Variants in PDE4C observed in about 807,000 individuals in gnomAD.
The protein encoded by PDE4C is phosphodiesterase 4C, also known as 3',5'-cyclic-AMP phosphodiesterase 4C.
A neutral mutation model predicts 63.9 loss-of-function variants in PDE4C; 50 were observed. The ratio of observed to expected loss-of-function variants is 0.78; its 90% CI spans 0.62 to 0.99. The LOEUF (loss-of-function observed/expected upper bound fraction) is 0.99. PDE4C is among the 50% of genes least tolerant of loss of function. PDE4C has a pLI of 0.00. For missense variants in PDE4C, 777 were observed against 899.1 expected (o/e 0.86, Z 1.74); for synonymous variants, 377 against 385.1 (o/e 0.98, Z 0.25).
intron 12 of PDE4C, 87 bp from the exon 13 acceptor site, chr19:18,213,577 A>G (rs1367884545): frequency 1.3e-5 from 19 of 1,438,588 alleles, no homozygotes; most frequent in South Asian, 1.3e-4. Flanking sequence ...ACTCTGGCTC[A>G]GACTCAGCCC....
chr19:18,223,938 C>T (rs973731721), intron 1 of PDE4C, among the ~76,000 whole-genome samples: 37 of 152,354 alleles, frequency 2.4e-4, no homozygotes, highest in African/African-American at 8.4e-4. Flanking sequence ...AGGCTCCACC[C>T]TCAGCCCATA....
In PDE4C at chr19:18,245,494, G is replaced by A. The variant is rs951026687; in HGVS notation, c.-210+2677C>T. On this transcript the variant is annotated intron_variant, in intron 1 of 15. Coordinates refer to the PDE4C transcript ENST00000594617. The stretch of plus-strand genomic sequence containing the variant: ...TGCTGTTCCTTAAACCTGCCTCGGG[G>A]CCTTTGCATGTGCTGTGCCATCTGC... 2.0e-5 allele frequency among the ~76,000 whole-genome samples: 3 copies of A among 152,188 alleles called. No homozygotes were observed. The East Asian group carries it at 5.8e-4, about 29-fold the overall frequency.
exon 1 of PDE4C, chr19:18,232,994 C>G: frequency 6.6e-7 from 1 of 1,509,110 alleles, no homozygotes; most frequent in Non-Finnish European, 8.9e-7. Flanking sequence ...ACTTCCTGAG[C>G]TCCGGCCGCG....
rs375612494 is a variant in PDE4C, at chr19:18,220,843, C to T, written c.499+31G>A. On this transcript the variant is annotated intron_variant, in intron 5 of 14. Transcript: ENST00000262805. This position sits in a 1 kb window ranked among gnomAD's most constrained non-coding sequence, Gnocchi z 5.1. ...TGGAAAGGAAGCTCCCAGCTGTCCT[C>T]AGCGGGGGAGGGAAGGAACAGGTAC... 1.3e-5 allele frequency: 21 copies of T among 1,600,048 alleles called. No individual in the cohort carries two copies. Among genetic ancestry groups the T allele is most frequent in the Non-Finnish European group, 1.5e-5 (18 of 1,173,514 alleles).
chr19:18,223,303 C>T (rs1421549749), intron 1 of PDE4C, among the ~76,000 whole-genome samples: 1 of 151,738 alleles, frequency 6.6e-6, no homozygotes, highest in East Asian at 1.9e-4. Flanking sequence ...CTCCGCCTCC[C>T]AGGTTCAAGC....
upstream of PDE4C, chr19:18,226,551 C>A: frequency 3.8e-6 from 2 of 532,634 alleles, no homozygotes; most frequent in Non-Finnish European, 5.9e-6. Flanking sequence ...TCCCTGACGA[C>A]CCCCGGGACA....
At chr19:18,231,318 C>T (rs906083503), upstream of PDE4C, among the ~76,000 whole-genome samples, 1 of 152,238 alleles carries the variant, frequency 6.6e-6, no homozygotes, top group Non-Finnish European at 1.5e-5. Context: ...CCCAATCCAC[C>T]GCTCCTGCCT....
chr19:18,216,626 TG>T, intron 12 of PDE4C, 114 bp downstream of exon 12: 1 of 1,024,336 alleles, frequency 9.8e-7, no homozygotes, highest in South Asian at 1.6e-5. Flanking sequence ...AGGACATGCC[TG>T]GGTCTGGATG....
upstream of PDE4C, chr19:18,226,605 CTT>C (rs34009293): frequency 0.051 from 10,300 of 202,332 alleles, 39 homozygotes; most frequent in Middle Eastern, 0.075. Flanking sequence ...CTCTCTGCTC[CTT>C]TTTTTTTTTT....
chr19:18,224,574 A>G, intron 1 of PDE4C: 2 of 935,248 alleles, frequency 2.1e-6, no homozygotes, highest in South Asian at 4.9e-5. Context: ...GACTTCGGAT[A>G]AGTTCGAGCT....
chr19:18,215,312 AC>A (rs1310499195), intron 12 of PDE4C, among the ~76,000 whole-genome samples: 1 of 152,018 alleles, frequency 6.6e-6, no homozygotes, highest in Admixed American at 6.6e-5. Context: ...CTCCGAAAGC[AC>A]CTTGAACCTT....
At chr19:18,210,792 C>T in exon 15 of PDE4C, 1 of 1,427,026 alleles carries the variant, frequency 7.0e-7, no homozygotes, top group Non-Finnish European at 9.2e-7. Context: ...CCACCTATAA[C>T]TAAGAGCTTG....
At chr19:18,211,802 C>T in exon 14 of PDE4C, 1 of 1,614,258 alleles carries the variant, frequency 6.2e-7, no homozygotes, top group Non-Finnish European at 8.5e-7. Context: ...ACACATGGGA[C>T]TGATGTCCAG....
At chr19:18,255,233 A>G in the PDE4C span, 1 of 398,750 alleles carries the variant, frequency 2.5e-6, no homozygotes, top group East Asian at 3.6e-5. This position sits in a 1 kb window ranked among gnomAD's most constrained non-coding sequence, Gnocchi z 4.6. Context: ...TAAAGGGAGT[A>G]TTGTAATTCA....
At chr19:18,223,373 G>C (rs1297288064) in intron 1 of PDE4C, among the ~76,000 whole-genome samples, 1 of 152,174 alleles carries the variant, frequency 6.6e-6, no homozygotes, top group Non-Finnish European at 1.5e-5. Context: ...ACCACGCCCA[G>C]CTAATTTTGT....
chr19:18,241,957 A>G (rs1969048980), intron 1 of PDE4C, among the ~76,000 whole-genome samples: 1 of 152,082 alleles, frequency 6.6e-6, no homozygotes, highest in Admixed American at 6.6e-5. Context: ...AAAATAATTC[A>G]CCTCGTGTTA....
chr19:18,234,772 G>C (rs1245483672), upstream of PDE4C, among the ~76,000 whole-genome samples: 1 of 152,178 alleles, frequency 6.6e-6, no homozygotes, highest in African/African-American at 2.4e-5. Context: ...TTGGAGAAAA[G>C]GAAAACATTT....
At chr19:18,216,949 C>T in intron 11 of PDE4C, 54 bp from the exon 12 acceptor site, 2 of 1,533,486 alleles carry the variant, frequency 1.3e-6, no homozygotes, top group South Asian at 1.2e-5. Flanking sequence ...ACCCACTCTA[C>T]CCAAAAGCAG....
At chr19:18,250,769 G>T (rs1319414720), upstream of PDE4C, among the ~76,000 whole-genome samples, 1 of 147,008 alleles carries the variant, frequency 6.8e-6, no homozygotes, top group Non-Finnish European at 1.5e-5. Context: ...ACCATGCCTG[G>T]ACAATTTTTT....
Sources: gnomAD v4.1 joint callset for allele counts (sites outside exome capture counted in the v4.1 genomes callset) on GRCh38, gnomAD v4.1.1 for gene constraint, Gnocchi (gnomAD v3.1) non-coding constraint, MANE v1.5 for transcripts, NCBI Gene and HGNC (gene_info 2026-07-23, HGNC 2026-07-21) for gene names.